CA10: variants seen among roughly 807,000 people sequenced by gnomAD.
CA10 encodes carbonic anhydrase 10 (inactive), also known as carbonic anhydrase-related protein 10.
In CA10, 14 loss-of-function variants were observed where a neutral mutation model predicts 44.2. The ratio of observed to expected loss-of-function variants is 0.32; its 90% CI spans 0.21 to 0.50. The LOEUF is 0.50. CA10 is among the 20% of genes least tolerant of loss of function. CA10 has a pLI of 0.99. For synonymous variants in CA10, 159 were observed against 141.6 expected (o/e 1.12, Z -0.87); for missense variants, 350 against 409.7 (o/e 0.85, Z 1.26).
At chr17:51,797,834 G>A (rs1471053350) in intron 3 of CA10, among the ~76,000 whole-genome samples, 1 of 119,996 alleles carries the variant, frequency 8.3e-6, no homozygotes, top group Non-Finnish European at 1.6e-5. Flanking sequence ...CTGGGTGACA[G>A]AGCAAGGCTC....
chr17:51,673,859 C>T (rs1156490496), intron 4 of CA10, among the ~76,000 whole-genome samples: 1 of 152,210 alleles, frequency 6.6e-6, no homozygotes, highest in Non-Finnish European at 1.5e-5. Context: ...CTTCACCATT[C>T]ACCTCCCTGC....
At chr17:51,810,634 G>A (rs1907324002) in intron 3 of CA10, among the ~76,000 whole-genome samples, 1 of 152,140 alleles carries the variant, frequency 6.6e-6, no homozygotes, top group Non-Finnish European at 1.5e-5. Flanking sequence ...TTATTTGAAG[G>A]ACAAAGGAGA....
At chr17:51,654,328 C>A (rs781213215) in intron 4 of CA10, among the ~76,000 whole-genome samples, 2 of 152,196 alleles carry the variant, frequency 1.3e-5, no homozygotes, top group Non-Finnish European at 2.9e-5. Context: ...ACCTGTTGAG[C>A]CTTTTTCCTG....
In CA10 at chr17:51,717,557, ATAT is replaced by A. The variant is rs1567815075; in HGVS notation, c.465+30073_465+30075del. 8.2e-4 allele frequency among the ~76,000 whole-genome samples: 104 copies of A among 127,480 alleles called. 7 individuals are homozygous for A. Among genetic ancestry groups the A allele is most frequent in the African/African-American group, 2.7e-3 (90 of 33,454 alleles). The allele number at this position is 127,480 out of a possible 152,430, so 83.6% of individuals were successfully genotyped here. A position where few individuals can be genotyped will look rare whatever the true frequency, so the allele number is the denominator to read the frequency against. On this transcript the variant is annotated intron_variant, in intron 4 of 8. Coordinates refer to ENST00000451037, the MANE Select transcript of CA10 (RefSeq NM_020178.5). ...TATATATATATATATATATATATAT[ATAT>A]AATATTACATAAATATATAAAAATA...
intron 3 of CA10, among the ~76,000 whole-genome samples, chr17:51,875,302 T>C (rs1298718382): frequency 6.6e-6 from 1 of 152,162 alleles, no homozygotes; most frequent in Non-Finnish European, 1.5e-5. Flanking sequence ...TGAGGCACTG[T>C]GCCCAGCCTA....
intron 3 of CA10, among the ~76,000 whole-genome samples, chr17:51,838,460 A>G (rs1265279806): frequency 1.3e-5 from 2 of 152,262 alleles, no homozygotes; most frequent in African/African-American, 4.8e-5. Context: ...CTGTAGCTTC[A>G]GCAATCCTGA....
intron 3 of CA10, among the ~76,000 whole-genome samples, chr17:51,899,089 G>A (rs1477563287): frequency 6.6e-6 from 1 of 151,750 alleles, no homozygotes; most frequent in Non-Finnish European, 1.5e-5. Context: ...GCTAGCTTTG[G>A]GGTTGGCTGG....
intron 3 of CA10, among the ~76,000 whole-genome samples, chr17:51,783,554 C>A (rs1006526507): frequency 1.3e-5 from 2 of 151,876 alleles, no homozygotes; most frequent in African/African-American, 4.8e-5. Context: ...CCAATCCAGG[C>A]TTTTTCTATT....
intron 3 of CA10, among the ~76,000 whole-genome samples, chr17:51,787,498 CTTTT>C (rs575519452): frequency 3.5e-5 from 5 of 144,280 alleles, no homozygotes; most frequent in Non-Finnish European, 7.7e-5. Context: ...CTTTTTTTTC[CTTTT>C]TTTTTTTGAG....
At position 51,641,166 on chromosome 17, in the gene CA10, CCTCTCT is replaced by C. The variant is rs1343396006; in HGVS notation, c.635-5163_635-5158del. On this transcript the variant is annotated intron_variant, in intron 6 of 8. Coordinates refer to ENST00000451037, the MANE Select transcript of CA10 (RefSeq NM_020178.5). ...CTCTCTCTCAGCTCTCTCTCTCTCT[CCTCTCT>C]CTCTCTCTCATATCTCTATCACCTA... Among the ~76,000 whole-genome samples, 2 of 24,262 alleles carry C rather than the reference CCTCTCT, an allele frequency of 8.2e-5. 1 individual carries two copies. Among genetic ancestry groups the C allele is most frequent in the South Asian group, 3.3e-3 (2 of 602 alleles). 15.9% of individuals were successfully genotyped at this position (24,262 alleles called of 152,430 possible).
intron 4 of CA10, among the ~76,000 whole-genome samples, chr17:51,726,732 T>C (rs190651471): frequency 1.3e-5 from 2 of 152,196 alleles, no homozygotes; most frequent in African/African-American, 4.8e-5. Context: ...ATATTCTATA[T>C]ATATTCTGTT....
chr17:51,968,377 A>G (rs879416322), intron 2 of CA10, among the ~76,000 whole-genome samples: 8 of 151,950 alleles, frequency 5.3e-5, no homozygotes, highest in Admixed American at 4.6e-4. Context: ...TTATAGATGA[A>G]ATACTACTCA....
rs183574115 is a variant in CA10 at position 51,681,289 on chromosome 17, C to T, written c.466-27553G>A. Among the ~76,000 whole-genome samples, 387 of 152,288 alleles carry T rather than the reference C, an allele frequency of 2.5e-3. 1 individual carries two copies. Among genetic ancestry groups the T allele is most frequent in the African/African-American group, 8.9e-3 (369 of 41,552 alleles). On this transcript the variant is annotated intron_variant, in intron 4 of 8. Coordinates refer to ENST00000451037, the MANE Select transcript of CA10 (RefSeq NM_020178.5). The stretch of plus-strand genomic sequence containing the variant: ...CACAATATTGGGGCCCTCAGGGGTG[C>T]CCTGTAAATGAGTTTCCATCTCTCT...
chr17:52,057,710 C>T (rs769636435), intron 2 of CA10, among the ~76,000 whole-genome samples: 3 of 152,164 alleles, frequency 2.0e-5, no homozygotes, highest in East Asian at 1.9e-4. Context: ...AAAGGTTTTT[C>T]GAAGTGGAGT....
At chr17:51,644,782 T>C (rs959505529) in intron 6 of CA10, among the ~76,000 whole-genome samples, 3 of 150,480 alleles carry the variant, frequency 2.0e-5, no homozygotes, top group Non-Finnish European at 4.4e-5. Flanking sequence ...TTATCAGATA[T>C]ATCAGTACAT....
At chr17:52,006,531 C>T (rs1388932094) in intron 2 of CA10, among the ~76,000 whole-genome samples, 2 of 151,700 alleles carry the variant, frequency 1.3e-5, no homozygotes, top group African/African-American at 4.8e-5. Context: ...TTCCCTCTTT[C>T]CCTAGAGGTA....
intron 3 of CA10, among the ~76,000 whole-genome samples, chr17:51,752,946 A>T (rs1301216866): frequency 6.6e-6 from 1 of 152,138 alleles, no homozygotes; most frequent in Non-Finnish European, 1.5e-5. Context: ...TAAATAAAAT[A>T]AAAAACAAGT....
At chr17:51,845,733 A>T (rs1291316607) in intron 3 of CA10, among the ~76,000 whole-genome samples, 2 of 152,204 alleles carry the variant, frequency 1.3e-5, no homozygotes, top group Non-Finnish European at 2.9e-5. Context: ...TCCTGACAGG[A>T]TAAAAAGTGG....
intron 1 of CA10, among the ~76,000 whole-genome samples, chr17:52,087,697 TATTTA>T (rs888896773): frequency 6.6e-6 from 1 of 152,224 alleles, no homozygotes; most frequent in Non-Finnish European, 1.5e-5. Flanking sequence ...ATACAGAAAT[TATTTA>T]ATTACATTTA....
Sources: allele counts gnomAD v4.1 joint callset (sites outside exome capture counted in the v4.1 genomes callset), GRCh38; gene constraint gnomAD v4.1.1; transcripts MANE v1.5; gene names NCBI Gene and HGNC (gene_info 2026-07-23, HGNC 2026-07-21).